CACHD1: variants seen among roughly 807,000 people sequenced by gnomAD.
CACHD1 encodes VWFA and cache domain-containing protein 1.
In CACHD1, 71 loss-of-function variants were observed where a neutral mutation model predicts 138.7. The ratio of observed to expected loss-of-function variants is 0.51; its 90% CI spans 0.42 to 0.62. The LOEUF (loss-of-function observed/expected upper bound fraction) is 0.62, where lower values mean the gene tolerates loss of function less well. CACHD1 is among the 20% of genes least tolerant of loss of function. The pLI is 0.00. For synonymous variants in CACHD1, 578 were observed against 591.5 expected, an observed-to-expected ratio of 0.98 and a Z score of 0.33; for missense variants, 1,389 against 1,625.3, an observed-to-expected ratio of 0.85 and a Z score of 2.50.
At chr1:64,614,944 T>C (rs1385591560) in intron 4 of CACHD1, among the ~76,000 whole-genome samples, 2 of 152,172 alleles carry the variant, frequency 1.3e-5, no homozygotes, top group African/African-American at 4.8e-5. Flanking sequence ...CCTCTGTAAC[T>C]GCATTTCTCA....
At chr1:64,616,151 G>GTC (rs1369072875) in intron 4 of CACHD1, among the ~76,000 whole-genome samples, 2 of 152,124 alleles carry the variant, frequency 1.3e-5, no homozygotes. Flanking sequence ...CCTATAAATA[G>GTC]TCTCTCTACC....
At chr1:64,630,125 T>A (rs1039055187) in intron 5 of CACHD1, among the ~76,000 whole-genome samples, 1 of 152,176 alleles carries the variant, frequency 6.6e-6, no homozygotes, top group Non-Finnish European at 1.5e-5. Context: ...GACAGTTTCC[T>A]GTTTGCAGTG....
intron 2 of CACHD1, among the ~76,000 whole-genome samples, chr1:64,569,930 A>G (rs554097263): frequency 2.0e-5 from 3 of 152,326 alleles, no homozygotes; most frequent in South Asian, 4.1e-4. Context: ...TGCATTTCCA[A>G]TATCTCAAGG....
intron 8 of CACHD1, among the ~76,000 whole-genome samples, chr1:64,643,604 A>G (rs1236590906): frequency 6.6e-6 from 1 of 152,212 alleles, no homozygotes; most frequent in Non-Finnish European, 1.5e-5. Flanking sequence ...TGGGAGGCCA[A>G]GGCGGGCGGA....
At position 64,652,285 on chromosome 1, in the gene CACHD1, C is replaced by T. The variant is rs1350536915; in HGVS notation, c.1515C>T (p.Ser505=). The T allele has an allele frequency of 1.2e-6, 2 of 1,609,610 alleles. No homozygotes were observed. The highest frequency in any genetic ancestry group is 1.7e-6 in the Non-Finnish European group (2 of 1,178,772). ...DVTYYQDSLA[S]YTFLIDDKGY... ...CGTATTACCAAGACTCTTTGGCTTC[C>T]TATACTTTTCTCATAGACGACAAAG... Residue 505 remains serine (S), a synonymous_variant, in exon 10 of 27, where the codon TCC becomes TCT. Transcript: ENST00000651257.
intron 1 of CACHD1, chr1:64,506,623 G>A (rs1646379024): frequency 1.3e-5 from 2 of 152,134 alleles, no homozygotes; most frequent in Non-Finnish European, 2.9e-5. Context: ...GAGAAAATAC[G>A]TGTTTTTTTT....
intron 3 of CACHD1, among the ~76,000 whole-genome samples, chr1:64,597,202 C>T (rs1379243247): frequency 6.6e-6 from 1 of 152,158 alleles, no homozygotes; most frequent in African/African-American, 2.4e-5. Context: ...TTGGAACTCA[C>T]TTGAACACTG....
At chr1:64,535,744 T>C (rs1289564092) in intron 1 of CACHD1, among the ~76,000 whole-genome samples, 2 of 152,132 alleles carry the variant, frequency 1.3e-5, no homozygotes, top group Non-Finnish European at 2.9e-5. Context: ...TTTAAAGCAA[T>C]GTTTAGTAGG....
At chr1:64,668,339 AAAGAAAAAG>A (rs1161288490) in intron 16 of CACHD1, among the ~76,000 whole-genome samples, 44 of 151,166 alleles carry the variant, frequency 2.9e-4, no homozygotes, top group African/African-American at 9.5e-4. Context: ...AAAAAAAAAA[AAAGAAAAAG>A]AAAAAAAGAA....
At position 64,577,154 on chromosome 1, in the gene CACHD1, C is replaced by A. The variant is rs74468493; in HGVS notation, c.262-5002C>A. On this transcript the variant is annotated intron_variant, in intron 2 of 26. Coordinates refer to ENST00000651257, the MANE Select transcript of CACHD1 (RefSeq NM_020925.4). ...AGAGACAGTGTCCCGCTATGTTGCC[C>A]AGACTGGTCTTGAACTCTTGGGCTC... Among the ~76,000 whole-genome samples, 675 of 152,102 alleles carry A rather than the reference C, an allele frequency of 4.4e-3. 2 individuals are homozygous for A. Among genetic ancestry groups the A allele is most frequent in the African/African-American group, 0.015 (641 of 41,492 alleles).
At chr1:64,503,053 C>CT (rs891990190) in intron 1 of CACHD1, among the ~76,000 whole-genome samples, 6 of 151,990 alleles carry the variant, frequency 3.9e-5, no homozygotes, top group African/African-American at 7.3e-5. Flanking sequence ...TAGAGCCGAA[C>CT]TTTTTTTTGT....
chr1:64,624,352 C>A (rs945996082), intron 4 of CACHD1, among the ~76,000 whole-genome samples: 1 of 152,192 alleles, frequency 6.6e-6, no homozygotes, highest in African/African-American at 2.4e-5. Flanking sequence ...TTCTTGCTCC[C>A]ATTGGCTCCC....
intron 4 of CACHD1, among the ~76,000 whole-genome samples, chr1:64,605,216 C>T (rs1224312989): frequency 1.3e-5 from 2 of 152,090 alleles, no homozygotes; most frequent in Non-Finnish European, 2.9e-5. Flanking sequence ...CCACCTGCCT[C>T]GGCCTCCTAA....
intron 1 of CACHD1, 143 bp downstream of exon 1, chr1:64,471,085 C>T: frequency 1.4e-6 from 1 of 715,308 alleles, no homozygotes; most frequent in Non-Finnish European, 2.2e-6. Context: ...CCCCTCTGTC[C>T]TCTGCACAGA....
chr1:64,508,075 C>G (rs1646390840), intron 1 of CACHD1, among the ~76,000 whole-genome samples: 1 of 152,070 alleles, frequency 6.6e-6, no homozygotes, highest in Admixed American at 6.6e-5. Flanking sequence ...GCAAAGCAGG[C>G]AAATCTTCAC....
At chr1:64,580,571 C>T (rs900121383) in intron 2 of CACHD1, among the ~76,000 whole-genome samples, 15 of 152,064 alleles carry the variant, frequency 9.9e-5, no homozygotes, top group African/African-American at 3.1e-4. Context: ...TTAGAGGACC[C>T]CTGAAAGGGT....
intron 1 of CACHD1, among the ~76,000 whole-genome samples, chr1:64,498,120 C>G (rs1646315724): frequency 6.6e-6 from 1 of 152,168 alleles, no homozygotes; most frequent in Admixed American, 6.5e-5. Flanking sequence ...GAGCAAGACT[C>G]TGTTCCTAAA....
At chr1:64,686,180 G>C (rs192636184) in intron 26 of CACHD1, among the ~76,000 whole-genome samples, 4 of 152,272 alleles carry the variant, frequency 2.6e-5, no homozygotes, top group Non-Finnish European at 5.9e-5. Context: ...ATGATTCTCT[G>C]CTCCCTGATA....
chr1:64,603,196 C>A (rs1284178258), intron 4 of CACHD1, among the ~76,000 whole-genome samples: 2 of 150,744 alleles, frequency 1.3e-5, no homozygotes, highest in African/African-American at 2.4e-5. Context: ...GCTCCGCCTC[C>A]CGGGTTCACA....
Sources: allele counts gnomAD v4.1 joint callset (sites outside exome capture counted in the v4.1 genomes callset), GRCh38; gene constraint gnomAD v4.1.1; transcripts MANE v1.5; gene names NCBI Gene and HGNC (gene_info 2026-07-23, HGNC 2026-07-21).